Variants in ARHGAP26 observed in about 807,000 individuals in gnomAD.
ARHGAP26 encodes the protein rho GTPase-activating protein 26.
A neutral mutation model predicts 104.8 loss-of-function variants in ARHGAP26; 38 were observed. That is an observed-to-expected ratio of 0.36 (90% CI 0.28 to 0.48). The LOEUF is 0.48. ARHGAP26 is among the 20% of genes least tolerant of loss of function. ARHGAP26 has a pLI of 0.99. For synonymous variants in ARHGAP26, 341 were observed against 340.0 expected (o/e 1.00, Z -0.03); for missense variants, 704 against 947.9 (o/e 0.74, Z 3.38).
intron 20 of ARHGAP26, among the ~76,000 whole-genome samples, chr5:143,174,720 A>T (rs1461899512): frequency 6.6e-6 from 1 of 152,210 alleles, no homozygotes; most frequent in African/African-American, 2.4e-5. Context: ...CCGTCATATG[A>T]GTATTTTAAA....
chr5:142,791,936 C>G (rs745800924), intron 1 of ARHGAP26, among the ~76,000 whole-genome samples: 1 of 119,352 alleles, frequency 8.4e-6, no homozygotes, highest in African/African-American at 3.9e-5. Context: ...GAGCAAAACC[C>G]GTCTCAAAAA....
Position 142,932,027 on chromosome 5 carries a change from T to C in ARHGAP26, c.1029-20T>C, listed in dbSNP as rs1215291169. The C allele has an allele frequency of 6.2e-7, 1 of 1,612,484 alleles. No individual in the cohort carries two copies. ...ACATGTGGCACTGGTTTCATATCCATGTCCCTCCTTTCTCTGCAGGCCAGG... is the reference window on the plus strand; with the variant it reads ...ACATGTGGCACTGGTTTCATATCCACGTCCCTCCTTTCTCTGCAGGCCAGG... On this transcript the variant is annotated intron_variant, in intron 10 of 22. Coordinates refer to ENST00000645722, the MANE Select transcript of ARHGAP26 (RefSeq NM_001135608.3).
chr5:142,813,936 C>A (rs1312001317), intron 1 of ARHGAP26, among the ~76,000 whole-genome samples: 1 of 152,196 alleles, frequency 6.6e-6, no homozygotes, highest in African/African-American at 2.4e-5. Context: ...TGAGGGCCAG[C>A]AGGGAAGACA....
intron 17 of ARHGAP26, among the ~76,000 whole-genome samples, chr5:143,114,371 G>A (rs1795156128): frequency 6.6e-6 from 1 of 152,186 alleles, no homozygotes; most frequent in African/African-American, 2.4e-5. Flanking sequence ...GTAGTATTCA[G>A]GCAACACAGA....
rs1219222516 is a variant in ARHGAP26 at position 142,808,277 on chromosome 5, T to A, written c.154+37362T>A. 2.5e-3 allele frequency among the ~76,000 whole-genome samples: 260 copies of A among 105,190 alleles called. 4 individuals carry two copies. The highest frequency in any genetic ancestry group is 6.2e-3 in the African/African-American group (172 of 27,688). 69.0% of individuals were successfully genotyped at this position (105,190 alleles called of 152,430 possible). A position where few individuals can be genotyped will look rare whatever the true frequency, so the allele number is the denominator to read the frequency against. ...AAAAAAAAAAAAAAAAAAAAAAAAA[T>A]GTTGTATTTTAGGAGAACATTGATC... is the stretch of plus-strand genomic sequence containing the variant. On this transcript the variant is annotated intron_variant, in intron 1 of 22. Transcript: ENST00000645722.
chr5:142,814,993 C>T lies in ARHGAP26; in HGVS notation c.154+44078C>T, dbSNP rs149604271. On this transcript the variant is annotated intron_variant, in intron 1 of 22. Coordinates refer to ENST00000645722, the MANE Select transcript of ARHGAP26 (RefSeq NM_001135608.3). ...GGATAGAGCAACATCATATTACTTA[C>T]GGAATTACATGATTTTTATCTTTTA... is the stretch of plus-strand genomic sequence containing the variant. 9.3e-3 allele frequency among the ~76,000 whole-genome samples: 1,411 copies of T among 152,244 alleles called. 26 individuals are homozygous for T. The highest frequency in any genetic ancestry group is 0.01 in the Middle Eastern group (3 of 294).
At chr5:143,130,181 G>A (rs1407591713) in intron 18 of ARHGAP26, among the ~76,000 whole-genome samples, 1 of 152,190 alleles carries the variant, frequency 6.6e-6, no homozygotes, top group African/African-American at 2.4e-5. Context: ...ACTGTGACTT[G>A]CAGCTTAAGG....
chr5:142,774,796 T>G (rs912908498), intron 1 of ARHGAP26, among the ~76,000 whole-genome samples: 1 of 152,232 alleles, frequency 6.6e-6, no homozygotes, highest in African/African-American at 2.4e-5. Context: ...TCTCTAGTTT[T>G]ACCTTTTCCA....
intron 11 of ARHGAP26, among the ~76,000 whole-genome samples, chr5:143,004,438 G>T (rs1039659795): frequency 1.1e-4 from 17 of 152,164 alleles, no homozygotes; most frequent in Non-Finnish European, 1.9e-4. Flanking sequence ...ACCAGTGAAA[G>T]GGTTAGGCTG....
chr5:142,887,442 G>T (rs1225552439), intron 5 of ARHGAP26, among the ~76,000 whole-genome samples: 1 of 152,136 alleles, frequency 6.6e-6, no homozygotes, highest in Non-Finnish European at 1.5e-5. Flanking sequence ...CAAGTATGAA[G>T]TATATTTAAT....
At chr5:142,796,996 A>G (rs575957799) in intron 1 of ARHGAP26, among the ~76,000 whole-genome samples, 1 of 152,336 alleles carries the variant, frequency 6.6e-6, no homozygotes, top group South Asian at 2.1e-4. Context: ...CTGGTTGGCT[A>G]TATCATCTGT....
At chr5:143,131,099 G>C (rs549150746) in intron 18 of ARHGAP26, among the ~76,000 whole-genome samples, 13 of 152,212 alleles carry the variant, frequency 8.5e-5, no homozygotes, top group Non-Finnish European at 1.5e-4. Flanking sequence ...TCTTATGCTT[G>C]AATAACTTAA....
At chr5:143,093,060 A>G (rs1180190721) in intron 17 of ARHGAP26, among the ~76,000 whole-genome samples, 2 of 152,048 alleles carry the variant, frequency 1.3e-5, no homozygotes, top group Admixed American at 6.5e-5. Flanking sequence ...GGGTTAAGGG[A>G]ATTTTTAGTG....
At chr5:143,218,731 C>T (rs973224894) in intron 22 of ARHGAP26, among the ~76,000 whole-genome samples, 3 of 152,236 alleles carry the variant, frequency 2.0e-5, no homozygotes, top group Admixed American at 2.0e-4. Context: ...GTTTGTATAG[C>T]ATGTTGGACA....
intron 1 of ARHGAP26, among the ~76,000 whole-genome samples, chr5:142,826,351 C>T (rs1366093463): frequency 2.0e-5 from 3 of 152,134 alleles, no homozygotes; most frequent in South Asian, 2.1e-4. Flanking sequence ...CTCATTTAAC[C>T]CCTACCACAA....
intron 1 of ARHGAP26, among the ~76,000 whole-genome samples, chr5:142,826,615 A>G (rs993023527): frequency 2.0e-5 from 3 of 152,178 alleles, no homozygotes; most frequent in African/African-American, 7.2e-5. Context: ...TTGTCGCCAC[A>G]CCATGTTCTC....
At chr5:142,993,295 G>A (rs370406707) in intron 11 of ARHGAP26, among the ~76,000 whole-genome samples, 216 of 150,216 alleles carry the variant, frequency 1.4e-3, no homozygotes, top group African/African-American at 5.0e-3. Context: ...TCAGCCTCCC[G>A]AGTAGCTGGG....
intron 11 of ARHGAP26, among the ~76,000 whole-genome samples, chr5:142,947,744 G>A (rs1767378871): frequency 6.6e-6 from 1 of 152,148 alleles, no homozygotes; most frequent in Non-Finnish European, 1.5e-5. Context: ...CACTCTGAAT[G>A]GAAATCCATG....
chr5:142,902,322 A>C (rs1233665438), intron 7 of ARHGAP26, among the ~76,000 whole-genome samples: 1 of 152,064 alleles, frequency 6.6e-6, no homozygotes, highest in Non-Finnish European at 1.5e-5. Context: ...TGGAGTCAGG[A>C]TTTCCTTTGG....
Sources: gnomAD v4.1 joint callset for allele counts (sites outside exome capture counted in the v4.1 genomes callset) on GRCh38, gnomAD v4.1.1 for gene constraint, MANE v1.5 for transcripts, NCBI Gene and HGNC (gene_info 2026-07-23, HGNC 2026-07-21) for gene names.